The following MAP4K5 variants were observed in gnomAD, a reference collection of about 807,000 sequenced individuals.
The protein encoded by MAP4K5 is MAPK/ERK kinase kinase kinase 5.
A neutral mutation model predicts 135.6 loss-of-function variants in MAP4K5; 82 were observed. The observed-to-expected ratio is 0.60, with a 90% CI of 0.51 to 0.73. The LOEUF is 0.73. MAP4K5 is among the 30% of genes least tolerant of loss of function. The pLI is 0.00. For synonymous variants in MAP4K5, 347 were observed against 335.0 expected, an observed-to-expected ratio of 1.04 and a Z score of -0.39; for missense variants, 907 against 1,010.9, an observed-to-expected ratio of 0.90 and a Z score of 1.39.
intron 1 of MAP4K5, among the ~76,000 whole-genome samples, chr14:50,556,814 A>G (rs1216360794): frequency 6.6e-6 from 1 of 152,210 alleles, no homozygotes; most frequent in East Asian, 1.9e-4. Context: ...GTTGTACCAT[A>G]TATTGGTACT....
chr14:50,463,989 T>A, intron 12 of MAP4K5, 63 bp downstream of exon 12: 1 of 883,896 alleles, frequency 1.1e-6, no homozygotes. Context: ...ATAAATACTT[T>A]TGTTCTACTG....
chr14:50,548,104 C>T (rs768628985), intron 1 of MAP4K5, among the ~76,000 whole-genome samples: 7 of 152,050 alleles, frequency 4.6e-5, no homozygotes, highest in African/African-American at 1.2e-4. Context: ...TACAGGGGCC[C>T]GGGATAGGGG....
chr14:50,553,887 T>G (rs1463928734), intron 1 of MAP4K5, among the ~76,000 whole-genome samples: 1 of 152,038 alleles, frequency 6.6e-6, no homozygotes, highest in Admixed American at 6.6e-5. Flanking sequence ...CACTTAAAAG[T>G]GAGAGTTAAG....
chr14:50,427,707 A>G (rs1175880047), intron 30 of MAP4K5, among the ~76,000 whole-genome samples: 1 of 152,218 alleles, frequency 6.6e-6, no homozygotes, highest in East Asian at 1.9e-4. Flanking sequence ...CTCCTGGGGA[A>G]GATACTGACA....
chr14:50,443,702 A>G, intron 20 of MAP4K5, 27 bp downstream of exon 20: 2 of 1,567,866 alleles, frequency 1.3e-6, no homozygotes, highest in Non-Finnish European at 8.6e-7. Flanking sequence ...AAAAACGGCA[A>G]ATAGTTCACA....
At chr14:50,558,904 A>G (rs960781838) in intron 1 of MAP4K5, among the ~76,000 whole-genome samples, 2 of 151,842 alleles carry the variant, frequency 1.3e-5, no homozygotes, top group Non-Finnish European at 1.5e-5. Context: ...ACTTGGTTAC[A>G]GTGTTCACGA....
intron 3 of MAP4K5, among the ~76,000 whole-genome samples, chr14:50,503,339 T>C (rs1366685691): frequency 6.6e-6 from 1 of 152,086 alleles, no homozygotes; most frequent in African/African-American, 2.4e-5. Flanking sequence ...GGGGGACAGG[T>C]TGAAATATTA....
intron 1 of MAP4K5, among the ~76,000 whole-genome samples, chr14:50,552,812 T>C (rs1386780875): frequency 6.6e-6 from 1 of 152,110 alleles, no homozygotes; most frequent in Non-Finnish European, 1.5e-5. Flanking sequence ...GCAAGCCACA[T>C]GTAGAATGAA....
intron 14 of MAP4K5, among the ~76,000 whole-genome samples, chr14:50,454,801 T>G (rs900405367): frequency 1.3e-4 from 19 of 151,062 alleles, no homozygotes; most frequent in African/African-American, 4.1e-4. Context: ...AATTTTTCTG[T>G]TTTTTTTTAA....
At position 50,437,525 on chromosome 14, in the gene MAP4K5, A is replaced by G; in HGVS notation, c.1833T>C (p.Ala611=). The G allele has an allele frequency of 5.6e-6, 9 of 1,599,906 alleles. No individual in the cohort carries two copies. Among genetic ancestry groups the G allele is most frequent in the Non-Finnish European group, 7.7e-6 (9 of 1,173,454 alleles). ...TTGTATCAGGAATCTTTGTTGTTAA[A>G]GCGAATTTTCTGAAAACGTAAGACG... ...FPDRILPRKF[A]LTTKIPDTKG... The change falls in exon 26 of 33, where the codon GCT becomes GCC. Residue 611 remains alanine (A), a synonymous_variant. Transcript: ENST00000682126.
At position 50,437,487 on chromosome 14, in the gene MAP4K5, T is replaced by C; in HGVS notation, c.1871A>G (p.Lys624Arg). ...TACCATTTACTCACCTATGCAACAT[T>C]TGTGGCAGCCTTTTGTATCAGGAAT... ...TKIPDTKGCHKCCIVRNPYTG... is the reference protein window; with the variant it reads ...TKIPDTKGCHRCCIVRNPYTG... The change falls in exon 26 of 33, where the codon AAA becomes AGA. Residue 624 changes from lysine (K) to arginine (R), a missense_variant. By Grantham distance (26) the Lys-to-Arg change is conservative. Around this residue, in one of 3 missense-constraint regions of MAP4K5, gnomAD observed 690 missense variants for 777.4 expected, o/e 0.89. Coordinates refer to ENST00000682126, the MANE Select transcript of MAP4K5 (RefSeq NM_006575.6). 1 of 1,601,736 alleles carries C rather than the reference T, an allele frequency of 6.2e-7. No homozygotes were observed. Among genetic ancestry groups the C allele is most frequent in the Non-Finnish European group, 8.5e-7 (1 of 1,175,412 alleles).
rs10138793 is a variant in MAP4K5 at position 50,437,849 on chromosome 14, A to G, written c.1823+45T>C. ...GAAATACGGGCTATTTTTAAAATAA[A>G]CACTAATTCCCCTCATTCAGTAGAA... On this transcript the variant is annotated intron_variant, in intron 25 of 32. Transcript: ENST00000682126. 3,721 of 1,180,474 alleles carry G rather than the reference A, an allele frequency of 3.2e-3. 88 individuals are homozygous for G. In the African/African-American group the frequency reaches 0.05, roughly 16 times the overall value. The allele number at this position is 1,180,474 out of a possible 1,614,324, so 73.1% of individuals were successfully genotyped here.
intron 23 of MAP4K5, among the ~76,000 whole-genome samples, 197 bp downstream of exon 23, chr14:50,439,816 G>A (rs1328777412): frequency 6.6e-6 from 1 of 152,072 alleles, no homozygotes; most frequent in African/African-American, 2.4e-5. Flanking sequence ...GGTTTGGAAA[G>A]TGCAGCCCTA....
rs2035949481 is a variant in MAP4K5 at position 50,430,684 on chromosome 14, C to T, written c.2165-1424G>A. ...TCTATGAAAATAAATTATAACTGAT[C>T]ATTATTATCTAAAAGGGTTTTATAA... On this transcript the variant is annotated intron_variant, in intron 28 of 32. Coordinates refer to ENST00000682126, the MANE Select transcript of MAP4K5 (RefSeq NM_006575.6). 2.6e-5 allele frequency among the ~76,000 whole-genome samples: 4 copies of T among 152,264 alleles called. No homozygotes were observed. In the South Asian group the frequency reaches 8.3e-4, roughly 32 times the overall value.
rs565502355 is a variant in MAP4K5, at chr14:50,442,925, C to T, written c.1480-109G>A. On this transcript the variant is annotated intron_variant, in intron 20 of 32. Transcript: ENST00000682126. ...CCAAATTAACTCTTATTTGCGTATG[C>T]TTGTTGTTTCATTCCAAAACAAAAT... 377 of 626,054 alleles carry T rather than the reference C, an allele frequency of 6.0e-4. 4 individuals are homozygous for T. Among genetic ancestry groups the T allele is most frequent in the South Asian group, 3.4e-3 (146 of 42,440 alleles). The allele number at this position is 626,054 out of a possible 1,614,324, so 38.8% of individuals were successfully genotyped here. A position where few individuals can be genotyped will look rare whatever the true frequency, so the allele number is the denominator to read the frequency against.
intron 2 of MAP4K5, 111 bp from the exon 3 acceptor site, chr14:50,504,968 AAAAC>A (rs1254188847): frequency 1.6e-6 from 1 of 607,496 alleles, no homozygotes; most frequent in Admixed American, 3.8e-5. Context: ...TCAAAACTAA[AAAAC>A]AAAATATTTC....
chr14:50,552,643 G>C (rs138659118), intron 1 of MAP4K5, among the ~76,000 whole-genome samples: 1 of 152,150 alleles, frequency 6.6e-6, no homozygotes, highest in African/African-American at 2.4e-5. Flanking sequence ...CCAAAACAAC[G>C]TGGTACTGCT....
At chr14:50,470,561 A>G (rs1595478834) in intron 9 of MAP4K5, among the ~76,000 whole-genome samples, 1 of 151,982 alleles carries the variant, frequency 6.6e-6, no homozygotes, top group Non-Finnish European at 1.5e-5. Flanking sequence ...GACTGAAAAC[A>G]ATTTGGAATA....
intron 2 of MAP4K5, among the ~76,000 whole-genome samples, chr14:50,517,032 ATTTAC>A (rs1233063019): frequency 1.3e-5 from 2 of 152,124 alleles, no homozygotes; most frequent in African/African-American, 2.4e-5. Context: ...TCTAGTTATT[ATTTAC>A]TTTGATTATG....
Sources: gnomAD v4.1 joint callset for allele counts (sites outside exome capture counted in the v4.1 genomes callset) on GRCh38, gnomAD v4.1.1 for gene constraint, gnomAD v4.1.1 regional missense constraint, MANE v1.5 for transcripts, NCBI Gene and HGNC (gene_info 2026-07-23, HGNC 2026-07-21) for gene names.